Variants in DYM observed in about 807,000 individuals in gnomAD.
DYM encodes dymeclin, also known as dyggve-Melchior-Clausen syndrome protein.
A neutral mutation model predicts 93.1 loss-of-function variants in DYM; 78 were observed. The observed-to-expected ratio is 0.84, with a 90% CI of 0.70 to 1.01. The LOEUF (loss-of-function observed/expected upper bound fraction) is 1.01. Among genes scored for constraint, DYM ranks in the 50% least tolerant of loss-of-function variants. The pLI, the probability that DYM is intolerant of heterozygous loss-of-function variation, is 0.00. For missense variants in DYM, 789 were observed against 845.0 expected, an observed-to-expected ratio of 0.93 and a Z score of 0.82; for synonymous variants, 321 against 319.7, an observed-to-expected ratio of 1.00 and a Z score of -0.04.
At chr18:49,148,317 A>G (rs1327292493) in intron 15 of DYM, among the ~76,000 whole-genome samples, 2 of 152,102 alleles carry the variant, frequency 1.3e-5, no homozygotes, top group Admixed American at 1.3e-4. Context: ...TGTTGTGCAC[A>G]TGTAGCCTAA....
intron 13 of DYM, among the ~76,000 whole-genome samples, chr18:49,255,761 T>C (rs1272503167): frequency 6.6e-6 from 1 of 151,908 alleles, no homozygotes; most frequent in African/African-American, 2.4e-5. Flanking sequence ...GGGGTTCTAT[T>C]TGAGACCTAC....
intron 8 of DYM, among the ~76,000 whole-genome samples, chr18:49,307,241 AG>A (rs1043698221): frequency 6.6e-6 from 1 of 152,116 alleles, no homozygotes; most frequent in African/African-American, 2.4e-5. Flanking sequence ...AAAGTCCAAA[AG>A]TAAAGGCAGC....
At chr18:49,111,476 T>C (rs1350676852) in intron 16 of DYM, among the ~76,000 whole-genome samples, 2 of 152,136 alleles carry the variant, frequency 1.3e-5, no homozygotes, top group East Asian at 3.9e-4. Context: ...CTGTAGAGAC[T>C]GACAGAAATA....
intron 14 of DYM, among the ~76,000 whole-genome samples, chr18:49,195,921 T>TA (rs2091401349): frequency 1.3e-5 from 1 of 75,624 alleles, no homozygotes; most frequent in Non-Finnish European, 2.5e-5. Context: ...ACCATCTTTT[T>TA]TTTTTTTTTT....
chr18:49,125,157 G>A (rs943631462), intron 15 of DYM, among the ~76,000 whole-genome samples: 4 of 152,316 alleles, frequency 2.6e-5, no homozygotes, highest in Admixed American at 2.6e-4. Flanking sequence ...CTACTCAGGA[G>A]GCTGAGGCAG....
intron 17 of DYM, among the ~76,000 whole-genome samples, chr18:49,060,748 GGA>G (rs528744840): frequency 1.1e-4 from 14 of 123,196 alleles, no homozygotes; most frequent in African/African-American, 2.5e-4. Flanking sequence ...GGAGAAGGAG[GGA>G]GAGAGAGAGA....
At chr18:49,048,194 C>G (rs1249020912) in intron 17 of DYM, 3 of 152,108 alleles carry the variant, frequency 2.0e-5, no homozygotes, top group Non-Finnish European at 4.4e-5. Context: ...AAAAAAAGAA[C>G]CACATGAGGG....
chr18:49,399,703 T>C (rs1390719224), intron 2 of DYM, among the ~76,000 whole-genome samples: 3 of 152,010 alleles, frequency 2.0e-5, no homozygotes, highest in Non-Finnish European at 4.4e-5. Context: ...TGCTTGTCTA[T>C]GGCCCCCACT....
intron 1 of DYM, among the ~76,000 whole-genome samples, chr18:49,432,857 A>T (rs967231358): frequency 6.6e-6 from 1 of 152,158 alleles, no homozygotes; most frequent in Admixed American, 6.5e-5. Context: ...CTTGGCTTCA[A>T]CCACAGTGCT....
Position 49,294,456 on chromosome 18 carries a change from T to C in DYM, c.764-7840A>G, listed in dbSNP as rs373778203. Reference sequence around the variant, plus strand: ...ATTCTTTCTATCCATGAGCATGGAATGTTTTTCCATTTGTTCATGTCTTCT... The same window carrying C: ...ATTCTTTCTATCCATGAGCATGGAACGTTTTTCCATTTGTTCATGTCTTCT... On this transcript the variant is annotated intron_variant, in intron 8 of 17. Transcript: ENST00000675505. 1.3e-4 allele frequency among the ~76,000 whole-genome samples: 20 copies of C among 152,342 alleles called. No individual in the cohort carries two copies. The South Asian group carries it at 4.1e-3, about 32-fold the overall frequency.
At chr18:49,082,013 TC>T (rs1233543158) in intron 17 of DYM, among the ~76,000 whole-genome samples, 2 of 152,256 alleles carry the variant, frequency 1.3e-5, no homozygotes, top group African/African-American at 4.8e-5. Flanking sequence ...AGTTTTGGTT[TC>T]TAGCTGAGCT....
intron 8 of DYM, among the ~76,000 whole-genome samples, chr18:49,290,959 A>C (rs1030221997): frequency 2.0e-5 from 3 of 152,190 alleles, no homozygotes; most frequent in Non-Finnish European, 4.4e-5. Context: ...ATGTGATGCA[A>C]ATACTTTGGA....
At chr18:49,457,791 T>C (rs12457921) in intron 1 of DYM, among the ~76,000 whole-genome samples, 13,955 of 152,240 alleles carry the variant, frequency 0.092, 868 homozygotes, top group East Asian at 0.31. Context: ...CTGAATTAGC[T>C]AAGTGGGCCT....
At chr18:49,430,974 A>C (rs1483819520) in intron 1 of DYM, among the ~76,000 whole-genome samples, 1 of 152,210 alleles carries the variant, frequency 6.6e-6, no homozygotes, top group Admixed American at 6.5e-5. Flanking sequence ...TGTACCATGT[A>C]TCTTAGGATG....
At chr18:49,211,989 G>A (rs1355653828) in intron 13 of DYM, among the ~76,000 whole-genome samples, 1 of 152,180 alleles carries the variant, frequency 6.6e-6, no homozygotes, top group Non-Finnish European at 1.5e-5. Context: ...AGGGATCACA[G>A]TTAACATTAA....
chr18:49,171,336 A>C (rs1454011507), intron 14 of DYM, among the ~76,000 whole-genome samples: 2 of 151,980 alleles, frequency 1.3e-5, no homozygotes, highest in African/African-American at 4.8e-5. Flanking sequence ...AATCCTCACA[A>C]CTCTCAGCCA....
chr18:49,286,687 G>A (rs1214804539), intron 8 of DYM, 71 bp from the exon 9 acceptor site: 18 of 1,429,740 alleles, frequency 1.3e-5, no homozygotes, highest in Non-Finnish European at 1.7e-5. Flanking sequence ...AAAGTATTCT[G>A]TGTAATATAA....
Position 49,081,545 on chromosome 18 carries a change from GA to G in DYM, c.2025+15856del, listed in dbSNP as rs2078033735. 4.5e-5 allele frequency among the ~76,000 whole-genome samples: 3 copies of G among 67,294 alleles called. No homozygotes were observed. In the South Asian group the frequency reaches 1.2e-3, roughly 27 times the overall value. The allele number at this position is 67,294 out of a possible 152,430, so 44.1% of individuals were successfully genotyped here. A position where few individuals can be genotyped will look rare whatever the true frequency, so the allele number is the denominator to read the frequency against. On this transcript the variant is annotated intron_variant, in intron 17 of 17. Transcript: ENST00000675505. ...GGGAGAGGGGAGAGGGGAGAGGGGA[GA>G]GGGGAGAGGGGAGAGGGGAGAGGGG... is the stretch of plus-strand genomic sequence containing the variant.
At chr18:49,194,902 T>C (rs2091304349) in intron 14 of DYM, among the ~76,000 whole-genome samples, 1 of 152,218 alleles carries the variant, frequency 6.6e-6, no homozygotes, top group Non-Finnish European at 1.5e-5. Flanking sequence ...CTGTTACTAC[T>C]ATTGCAGTCA....
Sources: gnomAD v4.1 joint callset for allele counts (sites outside exome capture counted in the v4.1 genomes callset) on GRCh38, gnomAD v4.1.1 for gene constraint, MANE v1.5 for transcripts, NCBI Gene and HGNC (gene_info 2026-07-23, HGNC 2026-07-21) for gene names.